EVC2: variants seen among roughly 807,000 people sequenced by gnomAD.
EVC2 encodes EvC ciliary complex subunit 2, also known as limbin.
EVC2 carries 148 observed loss-of-function variants against 149.3 expected under a neutral mutation model. That is an observed-to-expected ratio of 0.99 (90% CI 0.87 to 1.14). The LOEUF (loss-of-function observed/expected upper bound fraction) is 1.14, where lower values mean the gene tolerates loss of function less well. EVC2 is among the 50% of genes most tolerant of loss of function. The probability of loss-of-function intolerance (pLI) is 0.00; values close to 1 mark genes in which losing one functional copy is unlikely to be tolerated. For synonymous variants in EVC2, 776 were observed against 649.9 expected (o/e 1.19, Z -2.95); for missense variants, 1,854 against 1,627.3 (o/e 1.14, Z -2.40).
chr4:5,533,003 C>T, the EVC2 span, among the ~76,000 whole-genome samples: 1 of 150,814 alleles, frequency 6.6e-6, no homozygotes, highest in South Asian at 2.1e-4. Flanking sequence ...CTCATTCATT[C>T]AGCAGATCTG....
At chr4:5,538,084 AAAG>A (rs1293800439), downstream of EVC2, among the ~76,000 whole-genome samples, 4 of 151,894 alleles carry the variant, frequency 2.6e-5, no homozygotes, top group Non-Finnish European at 5.9e-5. Flanking sequence ...AAAGGAAAGA[AAAG>A]AAGGAAGGGA....
intron 10 of EVC2, among the ~76,000 whole-genome samples, chr4:5,638,861 A>C (rs1717095326): frequency 6.6e-6 from 1 of 152,156 alleles, no homozygotes; most frequent in Admixed American, 6.5e-5. Flanking sequence ...CAGAAGCTGA[A>C]CCAAACATGG....
chr4:5,666,415 T>C (rs2108901480), intron 7 of EVC2, among the ~76,000 whole-genome samples: 2 of 152,328 alleles, frequency 1.3e-5, no homozygotes, highest in South Asian at 2.1e-4. Flanking sequence ...CCTAATTCAG[T>C]CCCTTTTCTC....
At position 5,708,489 on chromosome 4, in the gene EVC2, G is replaced by C; in HGVS notation, c.25C>G (p.Arg9Gly). 6.8e-7 allele frequency: 1 copy of C among 1,480,284 alleles called. No individual in the cohort carries two copies. Among genetic ancestry groups the C allele is most frequent in the Non-Finnish European group, 8.9e-7 (1 of 1,123,124 alleles). The allele number at this position is 1,480,284 out of a possible 1,614,324, so 91.7% of individuals were successfully genotyped here. Residue 9 changes from arginine to glycine, a missense_variant, in exon 1 of 22, where the codon CGC (arginine) becomes GGC (glycine). Transcript: ENST00000344408. MDPSGSRG[R>G]PTWVLAGGLL... ...CCCCCGGCCAGCACCCACGTGGGGCGCCCCCGGGAGCCCGAGGGGTCCATC... is the reference window on the plus strand; with the variant it reads ...CCCCCGGCCAGCACCCACGTGGGGCCCCCCCGGGAGCCCGAGGGGTCCATC...
chr4:5,584,390 G>A (rs780639550), intron 17 of EVC2, among the ~76,000 whole-genome samples: 4 of 152,192 alleles, frequency 2.6e-5, no homozygotes, highest in Non-Finnish European at 4.4e-5. Context: ...CACCTGCCAA[G>A]TTTCAGAGAT....
intron 9 of EVC2, among the ~76,000 whole-genome samples, chr4:5,660,757 T>C (rs1249013957): frequency 6.6e-6 from 1 of 152,172 alleles, no homozygotes; most frequent in African/African-American, 2.4e-5. Flanking sequence ...GGTTCCCCAT[T>C]TGAGAGATGA....
At chr4:5,596,589 T>C (rs778923988) in intron 16 of EVC2, among the ~76,000 whole-genome samples, 106 of 152,146 alleles carry the variant, frequency 7.0e-4, no homozygotes, top group Non-Finnish European at 9.0e-4. Context: ...GGGAAACTTA[T>C]AGCACTAAAC....
chr4:5,666,596 T>G (rs1292993292), intron 7 of EVC2, among the ~76,000 whole-genome samples: 1 of 152,194 alleles, frequency 6.6e-6, no homozygotes, highest in Non-Finnish European at 1.5e-5. Flanking sequence ...AGAGTCAAAT[T>G]TACTTTTTCT....
intron 3 of EVC2, among the ~76,000 whole-genome samples, chr4:5,693,960 G>A (rs114872308): frequency 0.011 from 1,660 of 152,262 alleles, 33 homozygotes; most frequent in African/African-American, 0.038. Context: ...TACATAGAAA[G>A]TGCTAAACCC....
At chr4:5,661,953 G>C (rs183099151) in intron 9 of EVC2, among the ~76,000 whole-genome samples, 1 of 152,214 alleles carries the variant, frequency 6.6e-6, no homozygotes, top group African/African-American at 2.4e-5. Flanking sequence ...TTCTTAAACA[G>C]TGTCTGGCAC....
intron 1 of EVC2, among the ~76,000 whole-genome samples, 157 bp from the exon 2 acceptor site, chr4:5,697,804 G>A (rs1721577439): frequency 6.6e-6 from 1 of 150,854 alleles, no homozygotes; most frequent in Non-Finnish European, 1.5e-5. Context: ...GCAGTGCAGT[G>A]GCGCGATCTC....
At chr4:5,600,781 ACATCT>A (rs1400036011) in intron 16 of EVC2, among the ~76,000 whole-genome samples, 1 of 152,130 alleles carries the variant, frequency 6.6e-6, no homozygotes, top group Non-Finnish European at 1.5e-5. Context: ...AAAAGGATAA[ACATCT>A]CATTAGGAAA....
intron 21 of EVC2, among the ~76,000 whole-genome samples, chr4:5,544,465 G>C (rs1721575178): frequency 6.6e-6 from 1 of 152,096 alleles, no homozygotes; most frequent in South Asian, 2.1e-4. Flanking sequence ...GGAAAGTTTG[G>C]GTACCTCCCA....
chr4:5,574,742 C>T lies in EVC2; in HGVS notation c.3303G>A (p.Val1101=), dbSNP rs758372047. 1.9e-6 allele frequency: 3 copies of T among 1,614,174 alleles called. No homozygotes were observed. Among genetic ancestry groups the T allele is most frequent in the Non-Finnish European group, 2.5e-6 (3 of 1,180,026 alleles). ...CCATGTTTTCCAACAAGTCTTCTAG[C>T]ACGACACTGTTCTGTTGTTCCTCTC... The part of the protein sequence containing the change: ...CLREEQQNSV[V]LEDLLENMEA... Residue 1101 remains valine (V), a synonymous_variant, in exon 19 of 22, where the codon GTG becomes GTA. Transcript: ENST00000344408.
At position 5,622,771 on chromosome 4, in the gene EVC2, T is replaced by G. The variant is rs146837459; in HGVS notation, c.2267A>C (p.Asn756Thr). 9.4e-5 allele frequency: 152 copies of G among 1,613,760 alleles called. No homozygotes were observed. The highest frequency in any genetic ancestry group is 1.2e-4 in the Non-Finnish European group (142 of 1,179,998). The change falls in exon 14 of 22, where the codon AAC becomes ACC. Residue 756 changes from asparagine (N) to threonine (T), a missense_variant. Coordinates refer to ENST00000344408, the MANE Select transcript of EVC2 (RefSeq NM_147127.5). This position sits in a 1 kb window ranked among gnomAD's most constrained non-coding sequence, Gnocchi z 5.8. Reference protein sequence around the residue: ...KATDELRRLQNSAMTQELLKR... With the variant: ...KATDELRRLQTSAMTQELLKR... Reference sequence around the variant, plus strand: ...GAGCAGCTCCTGGGTCATGGCTGAGTTCTGCAGGCGCCGCAGCTCGTCGGT... The same window carrying G: ...GAGCAGCTCCTGGGTCATGGCTGAGGTCTGCAGGCGCCGCAGCTCGTCGGT...
intron 9 of EVC2, among the ~76,000 whole-genome samples, chr4:5,650,822 T>C (rs552589029): frequency 6.6e-6 from 1 of 152,228 alleles, no homozygotes; most frequent in East Asian, 1.9e-4. Flanking sequence ...TCATGACATG[T>C]TTCTCCAGAG....
At chr4:5,632,491 G>T (rs1268371368) in intron 10 of EVC2, among the ~76,000 whole-genome samples, 1 of 152,178 alleles carries the variant, frequency 6.6e-6, no homozygotes, top group African/African-American at 2.4e-5. Context: ...ATATTTACAG[G>T]GGTGGAAATC....
At chr4:5,656,056 C>G (rs1450575317) in intron 9 of EVC2, among the ~76,000 whole-genome samples, 1 of 152,180 alleles carries the variant, frequency 6.6e-6, no homozygotes, top group Non-Finnish European at 1.5e-5. Context: ...AGAGCTGCTT[C>G]CACTCAGACC....
rs1716080307 is a variant in EVC2, at chr4:5,625,995, T to C, written c.1887-87A>G. 2 of 1,527,626 alleles carry C rather than the reference T, an allele frequency of 1.3e-6. No individual in the cohort carries two copies. Among genetic ancestry groups the C allele is most frequent in the African/African-American group, 1.4e-5 (1 of 73,166 alleles). The allele number at this position is 1,527,626 out of a possible 1,614,324, so 94.6% of individuals were successfully genotyped here. ...TATTGTGCCTGAACATTCATCTCCA[T>C]ATTAGTTTGGTTTGAATCAGAAAAT... On this transcript the variant is annotated intron_variant, in intron 12 of 21. Coordinates refer to ENST00000344408, the MANE Select transcript of EVC2 (RefSeq NM_147127.5). The surrounding 1 kb of genome is among the most constrained non-coding windows in gnomAD (Gnocchi z 4.0).
Sources: gnomAD v4.1 joint callset for allele counts (sites outside exome capture counted in the v4.1 genomes callset) on GRCh38, gnomAD v4.1.1 for gene constraint, Gnocchi (gnomAD v3.1) non-coding constraint, MANE v1.5 for transcripts, NCBI Gene and HGNC (gene_info 2026-07-23, HGNC 2026-07-21) for gene names.